The following AHCYL2 variants were observed in gnomAD, a reference collection of about 807,000 sequenced individuals.
AHCYL2 encodes the protein adenosylhomocysteinase like 2.
A neutral mutation model predicts 81.4 loss-of-function variants in AHCYL2; 28 were observed. The observed-to-expected ratio is 0.34, with a 90% CI of 0.25 to 0.47. AHCYL2 has a LOEUF of 0.47. Among genes scored for constraint, AHCYL2 ranks in the 20% least tolerant of loss-of-function variants. AHCYL2 has a pLI of 1.00. For missense variants in AHCYL2, 551 were observed against 785.1 expected (o/e 0.70, Z 3.56); for synonymous variants, 272 against 290.2 (o/e 0.94, Z 0.64).
At chr7:129,376,854 CAT>C (rs1338871863) in intron 1 of AHCYL2, among the ~76,000 whole-genome samples, 3 of 152,210 alleles carry the variant, frequency 2.0e-5, no homozygotes, top group African/African-American at 4.8e-5. Context: ...AGAATAAAGA[CAT>C]GTGACTGTTT....
intron 1 of AHCYL2, among the ~76,000 whole-genome samples, chr7:129,333,853 CAAAAACATTTTTTTGA>C (rs1331367365): frequency 6.6e-6 from 1 of 152,118 alleles, no homozygotes; most frequent in Non-Finnish European, 1.5e-5. Context: ...TGTAAATATC[CAAAAACATTTTTTTGA>C]AAAAACATTT....
At chr7:129,314,609 T>C (rs1264176966) in intron 1 of AHCYL2, among the ~76,000 whole-genome samples, 1 of 152,188 alleles carries the variant, frequency 6.6e-6, no homozygotes, top group Non-Finnish European at 1.5e-5. Flanking sequence ...AGCTCTCAGC[T>C]CTCTTTTATA....
intron 1 of AHCYL2, among the ~76,000 whole-genome samples, chr7:129,374,825 AT>A (rs1794597145): frequency 6.6e-6 from 1 of 150,734 alleles, no homozygotes; most frequent in Admixed American, 6.6e-5. Context: ...AAAAAAAAAA[AT>A]CTGCCATTTT....
chr7:129,278,877 G>A lies in AHCYL2; in HGVS notation c.363+53438G>A, dbSNP rs547077955. On this transcript the variant is annotated intron_variant, in intron 1 of 16. Coordinates refer to ENST00000325006, the MANE Select transcript of AHCYL2 (RefSeq NM_015328.4). ...CCTTTGTTGAAAATCAGTTGTCTAC[G>A]GATGTGTGGGTGTATTTTTGGACTT... 1.5e-4 allele frequency among the ~76,000 whole-genome samples: 23 copies of A among 150,348 alleles called. No homozygotes were observed. The South Asian group carries it at 2.1e-3, about 14-fold the overall frequency.
chr7:129,335,636 C>T (rs1798574741), intron 1 of AHCYL2, among the ~76,000 whole-genome samples: 1 of 152,162 alleles, frequency 6.6e-6, no homozygotes, highest in Non-Finnish European at 1.5e-5. Context: ...AGTTGGGCTA[C>T]ATGTCCAAGA....
chr7:129,389,377 C>T (rs181166021), intron 3 of AHCYL2, among the ~76,000 whole-genome samples, 178 bp downstream of exon 3: 1 of 122,782 alleles, frequency 8.1e-6, no homozygotes, highest in Admixed American at 8.4e-5. Context: ...TAGAAGGAAC[C>T]CTGTATTAAA....
In AHCYL2 at chr7:129,426,415, A is replaced by T; in HGVS notation, c.1709-28A>T. 6.2e-7 allele frequency: 1 copy of T among 1,614,086 alleles called. No homozygotes were observed. Among genetic ancestry groups the T allele is most frequent in the South Asian group, 1.1e-5 (1 of 91,080 alleles). ...CATCAGATAAAAGGCATGAATGCTTATACCAGGGCTTCTGTGGTCTGTTCC... is the reference window on the plus strand; with the variant it reads ...CATCAGATAAAAGGCATGAATGCTTTTACCAGGGCTTCTGTGGTCTGTTCC... On this transcript the variant is annotated intron_variant, in intron 15 of 16. Transcript: ENST00000325006. This position sits in a 1 kb window ranked among gnomAD's most constrained non-coding sequence, Gnocchi z 4.3.
At chr7:129,298,654 G>A (rs1456544788) in intron 1 of AHCYL2, among the ~76,000 whole-genome samples, 1 of 152,152 alleles carries the variant, frequency 6.6e-6, no homozygotes, top group Admixed American at 6.5e-5. Context: ...AAGAAGCAAC[G>A]TAAGGCCTTA....
At chr7:129,400,165 C>A in intron 5 of AHCYL2, 125 bp from the exon 6 acceptor site, 1 of 748,136 alleles carries the variant, frequency 1.3e-6, no homozygotes. Context: ...TGAAGAATGT[C>A]AATCCAAGGA....
Position 129,406,539 on chromosome 7 carries a change from CTTTAT to C in AHCYL2, c.1295+78_1295+82del. On this transcript the variant is annotated intron_variant, in intron 10 of 16. Coordinates refer to ENST00000325006, the MANE Select transcript of AHCYL2 (RefSeq NM_015328.4). This position sits in a 1 kb window ranked among gnomAD's most constrained non-coding sequence, Gnocchi z 4.3. ...AAAGAATGGCCTGGTTGATGCCACA[CTTTAT>C]TTTAGAGGAGCCCAGATCCTCAGAG... is the stretch of plus-strand genomic sequence containing the variant. 2.8e-6 allele frequency: 4 copies of C among 1,446,188 alleles called. No homozygotes were observed. Among genetic ancestry groups the C allele is most frequent in the Non-Finnish European group, 3.9e-6 (4 of 1,027,710 alleles). 89.6% of individuals were successfully genotyped at this position (1,446,188 alleles called of 1,614,324 possible). A position where few individuals can be genotyped will look rare whatever the true frequency, so the allele number is the denominator to read the frequency against.
intron 4 of AHCYL2, among the ~76,000 whole-genome samples, chr7:129,396,584 G>C (rs1795753359): frequency 6.6e-6 from 1 of 151,792 alleles, no homozygotes; most frequent in South Asian, 2.1e-4. Flanking sequence ...ACCATGCCTG[G>C]GTAATTTTTC....
At chr7:129,226,457 C>T (rs936507599) in intron 1 of AHCYL2, among the ~76,000 whole-genome samples, 2 of 152,154 alleles carry the variant, frequency 1.3e-5, no homozygotes, top group Non-Finnish European at 1.5e-5. Context: ...GCTTCAATTT[C>T]GTAGACACAG....
At chr7:129,269,136 T>G (rs1404392614) in intron 1 of AHCYL2, among the ~76,000 whole-genome samples, 1 of 151,418 alleles carries the variant, frequency 6.6e-6, no homozygotes, top group Non-Finnish European at 1.5e-5. Context: ...TTCCTGTTTT[T>G]TTTTTTTTTT....
intron 1 of AHCYL2, among the ~76,000 whole-genome samples, chr7:129,316,414 GC>G (rs1412779179): frequency 6.6e-6 from 1 of 152,186 alleles, no homozygotes; most frequent in Non-Finnish European, 1.5e-5. Context: ...CAAGGGCAGG[GC>G]AAATTTATAC....
At chr7:129,261,188 A>G (rs189419161) in intron 1 of AHCYL2, among the ~76,000 whole-genome samples, 24 of 152,326 alleles carry the variant, frequency 1.6e-4, no homozygotes, top group Admixed American at 3.3e-4. Flanking sequence ...CGTTGTTTCT[A>G]TATGTTCAGA....
At chr7:129,377,075 A>G (rs1563220549) in intron 1 of AHCYL2, among the ~76,000 whole-genome samples, 1 of 152,232 alleles carries the variant, frequency 6.6e-6, no homozygotes, top group Non-Finnish European at 1.5e-5. Flanking sequence ...ATATTGATTC[A>G]GCACTTGATT....
chr7:129,233,590 C>G (rs572202481), intron 1 of AHCYL2, among the ~76,000 whole-genome samples: 39 of 152,162 alleles, frequency 2.6e-4, no homozygotes, highest in African/African-American at 8.9e-4. Context: ...CGGGTTCAAG[C>G]GATTCTCCTG....
intron 7 of AHCYL2, among the ~76,000 whole-genome samples, chr7:129,403,860 CAAAAAAAAAAAAA>C (rs34806455): frequency 7.7e-4 from 62 of 80,196 alleles, no homozygotes; most frequent in African/African-American, 2.3e-3. Context: ...GACTCCATCT[CAAAAAAAAAAAAA>C]AAAAAAAAAA....
chr7:129,332,935 A>G (rs1344574610), intron 1 of AHCYL2, among the ~76,000 whole-genome samples: 1 of 152,190 alleles, frequency 6.6e-6, no homozygotes, highest in East Asian at 1.9e-4. Context: ...TTGGCTATTT[A>G]GAATATGATG....
Sources: gnomAD v4.1 joint callset for allele counts (sites outside exome capture counted in the v4.1 genomes callset) on GRCh38, gnomAD v4.1.1 for gene constraint, Gnocchi (gnomAD v3.1) non-coding constraint, MANE v1.5 for transcripts, NCBI Gene and HGNC (gene_info 2026-07-23, HGNC 2026-07-21) for gene names.